Variants in FRAS1 observed in about 807,000 individuals in gnomAD.
FRAS1 encodes the protein extracellular matrix organizing protein FRAS1.
Under a neutral mutation model 435.2 loss-of-function variants are expected in FRAS1, and 290 were observed. That is an observed-to-expected ratio of 0.67 (90% confidence interval 0.61 to 0.73). The LOEUF is 0.73. Among genes scored for constraint, FRAS1 ranks in the 30% least tolerant of loss-of-function variants. The pLI, the probability that FRAS1 is intolerant of heterozygous loss-of-function variation, is 0.00. For missense variants in FRAS1, 4,860 were observed against 5,001.5 expected, an observed-to-expected ratio of 0.97 and a Z score of 0.85; for synonymous variants, 1,800 against 1,851.0, an observed-to-expected ratio of 0.97 and a Z score of 0.71.
chr4:78,139,111 G>A (rs890820642), intron 2 of FRAS1, among the ~76,000 whole-genome samples: 1 of 152,216 alleles, frequency 6.6e-6, no homozygotes, highest in Non-Finnish European at 1.5e-5. Flanking sequence ...TTGGAGGTAA[G>A]TGTTCAGCCC....
intron 20 of FRAS1, among the ~76,000 whole-genome samples, chr4:78,361,575 G>A (rs1175592260): frequency 6.6e-6 from 1 of 152,148 alleles, no homozygotes; most frequent in South Asian, 2.1e-4. Flanking sequence ...TGGATGAGTG[G>A]GCACTGGACA....
chr4:78,472,914 A>ATTTC (rs1719750976), intron 52 of FRAS1, among the ~76,000 whole-genome samples: 1 of 152,072 alleles, frequency 6.6e-6, no homozygotes, highest in Admixed American at 6.5e-5. Flanking sequence ...TGCTCCATGA[A>ATTTC]TTTTCTTTTT....
intron 36 of FRAS1, among the ~76,000 whole-genome samples, chr4:78,430,056 G>A (rs1734151614): frequency 6.6e-6 from 1 of 152,188 alleles, no homozygotes; most frequent in African/African-American, 2.4e-5. Flanking sequence ...GAAAAAAGGT[G>A]TTCTAAATTC....
At chr4:78,474,300 TA>T (rs1375943236) in intron 53 of FRAS1, among the ~76,000 whole-genome samples, 1 of 152,224 alleles carries the variant, frequency 6.6e-6, no homozygotes, top group Non-Finnish European at 1.5e-5. Flanking sequence ...GCTGATTTTA[TA>T]GGTTAGATTA....
At chr4:78,139,210 G>A (rs1305689582) in intron 2 of FRAS1, among the ~76,000 whole-genome samples, 1 of 152,184 alleles carries the variant, frequency 6.6e-6, no homozygotes, top group Non-Finnish European at 1.5e-5. Flanking sequence ...CTGACAGGCA[G>A]CTTTTGACAT....
At chr4:78,097,098 C>A (rs1223882424) in intron 2 of FRAS1, among the ~76,000 whole-genome samples, 1 of 152,156 alleles carries the variant, frequency 6.6e-6, no homozygotes, top group Non-Finnish European at 1.5e-5. Flanking sequence ...CTCTCAAGTT[C>A]AAGGTTTCAC....
intron 2 of FRAS1, among the ~76,000 whole-genome samples, chr4:78,188,827 A>G (rs1350413783): frequency 6.6e-6 from 1 of 152,232 alleles, no homozygotes; most frequent in Admixed American, 6.5e-5. Context: ...TAGTCCTTGC[A>G]TAGACAGTTG....
intron 2 of FRAS1, among the ~76,000 whole-genome samples, chr4:78,093,548 T>C (rs566427929): frequency 3.3e-5 from 5 of 152,346 alleles, no homozygotes; most frequent in African/African-American, 1.2e-4. Flanking sequence ...ATTAAAATTG[T>C]TTTTATCTGA....
intron 2 of FRAS1, among the ~76,000 whole-genome samples, chr4:78,105,557 G>A (rs930330876): frequency 4.6e-5 from 7 of 152,154 alleles, no homozygotes; most frequent in South Asian, 4.1e-4. Context: ...AGACCGATAC[G>A]AATTCTCTTT....
chr4:78,165,852 C>T (rs1721314444), intron 2 of FRAS1, among the ~76,000 whole-genome samples: 1 of 152,100 alleles, frequency 6.6e-6, no homozygotes, highest in Non-Finnish European at 1.5e-5. Flanking sequence ...ACACATGTAT[C>T]CCCAAAGAGT....
intron 66 of FRAS1, among the ~76,000 whole-genome samples, chr4:78,517,829 C>G (rs1306859361): frequency 6.6e-6 from 1 of 151,988 alleles, no homozygotes; most frequent in Non-Finnish European, 1.5e-5. Context: ...ATTAATTTTG[C>G]CAATCAGCTA....
intron 2 of FRAS1, among the ~76,000 whole-genome samples, chr4:78,219,891 ACTTTT>A (rs1434388289): frequency 7.9e-5 from 12 of 152,278 alleles, no homozygotes; most frequent in Admixed American, 6.5e-4. Flanking sequence ...AAGTACTAAT[ACTTTT>A]CTTTTCAGTC....
rs199511346 is a variant in FRAS1 at position 78,514,912 on chromosome 4, T to TA, written c.10175-881dup. ...TGAAACCCCATCTCTACTAAAAACA[T>TA]AAAAAATTAGCCAGGTGTGGTGACG... On this transcript the variant is annotated intron_variant, in intron 65 of 73. Coordinates refer to ENST00000512123, the MANE Select transcript of FRAS1 (RefSeq NM_025074.7). Among the ~76,000 whole-genome samples the TA allele has an allele frequency of 8.6e-3, 1,302 of 151,502 alleles. 22 individuals are homozygous for TA. The highest frequency in any genetic ancestry group is 0.03 in the African/African-American group (1,246 of 41,246).
chr4:78,399,631 G>C (rs1473002835), intron 29 of FRAS1, among the ~76,000 whole-genome samples: 1 of 152,182 alleles, frequency 6.6e-6, no homozygotes, highest in Non-Finnish European at 1.5e-5. Context: ...ATTCCTTCCA[G>C]CCAGCTACTC....
chr4:78,474,035 A>G (rs567001503), intron 53 of FRAS1, among the ~76,000 whole-genome samples: 97 of 152,320 alleles, frequency 6.4e-4, no homozygotes, highest in African/African-American at 2.2e-3. Context: ...GATAGGAAAA[A>G]TAAAAATAGG....
At chr4:78,282,165 C>A (rs4859924) in intron 11 of FRAS1, among the ~76,000 whole-genome samples, 1 of 151,580 alleles carries the variant, frequency 6.6e-6, no homozygotes, top group Non-Finnish European at 1.5e-5. Flanking sequence ...CGGGTAAGAA[C>A]CTCTGTCTCT....
At chr4:78,265,867 A>T (rs1405522235) in intron 7 of FRAS1, among the ~76,000 whole-genome samples, 1 of 152,258 alleles carries the variant, frequency 6.6e-6, no homozygotes, top group Non-Finnish European at 1.5e-5. Flanking sequence ...GTATTAGGGG[A>T]TAGGTGCCTC....
At chr4:78,257,713 A>G (rs1026224486) in intron 6 of FRAS1, among the ~76,000 whole-genome samples, 5 of 152,214 alleles carry the variant, frequency 3.3e-5, no homozygotes, top group African/African-American at 1.2e-4. Flanking sequence ...GTCTTTTGGT[A>G]AGAAAATGTA....
chr4:78,408,604 T>C (rs1733194585), intron 31 of FRAS1, among the ~76,000 whole-genome samples: 1 of 152,236 alleles, frequency 6.6e-6, no homozygotes, highest in African/African-American at 2.4e-5. Flanking sequence ...TGCCACTTAC[T>C]AGCTACACAA....
Sources: allele counts gnomAD v4.1 joint callset (sites outside exome capture counted in the v4.1 genomes callset), GRCh38; gene constraint gnomAD v4.1.1; transcripts MANE v1.5; gene names NCBI Gene and HGNC (gene_info 2026-07-23, HGNC 2026-07-21).